The following NSMCE2 variants were observed in gnomAD, a reference collection of about 807,000 sequenced individuals.
The protein encoded by NSMCE2 is NSE2 SUMO ligase component of SMC5/6 complex.
In NSMCE2, 24 loss-of-function variants were observed where a neutral mutation model predicts 23.8. The observed-to-expected ratio is 1.01, with a 90% confidence interval of 0.73 to 1.42. NSMCE2 has a LOEUF of 1.42. Among genes scored for constraint, NSMCE2 ranks in the 40% most tolerant of loss-of-function variants. The pLI is 0.00. For missense variants in NSMCE2, 284 were observed against 296.5 expected, an observed-to-expected ratio of 0.96 and a Z score of 0.31; for synonymous variants, 92 against 94.1, an observed-to-expected ratio of 0.98 and a Z score of 0.13.
Position 125,129,665 on chromosome 8 carries a change from A to G in NSMCE2, c.158-21506A>G, listed in dbSNP as rs540141908. On this transcript the variant is annotated intron_variant, in intron 3 of 7. Transcript: ENST00000287437. ...GTGCCTTATTTACATGCAAGTTAAA[A>G]ATTGTTTATACTAAATAATAGAATT... Among the ~76,000 whole-genome samples, 4 of 152,172 alleles carry G rather than the reference A, an allele frequency of 2.6e-5. No individual in the cohort carries two copies. The East Asian group carries it at 7.7e-4, about 29-fold the overall frequency.
At chr8:125,214,019 A>C (rs187726147) in intron 5 of NSMCE2, among the ~76,000 whole-genome samples, 274 of 152,362 alleles carry the variant, frequency 1.8e-3, no homozygotes, top group African/African-American at 5.9e-3. Flanking sequence ...GGTAGAATAA[A>C]ATCTGCTTTT....
chr8:125,100,828 T>C (rs938149260), intron 1 of NSMCE2, among the ~76,000 whole-genome samples: 2 of 152,210 alleles, frequency 1.3e-5, no homozygotes, highest in African/African-American at 4.8e-5. Flanking sequence ...CCCAAAGTGC[T>C]GGGATTACAG....
intron 5 of NSMCE2, among the ~76,000 whole-genome samples, chr8:125,289,512 G>A (rs779601425): frequency 6.6e-6 from 1 of 152,152 alleles, no homozygotes; most frequent in Non-Finnish European, 1.5e-5. Flanking sequence ...TTATCAGAGG[G>A]CATTCTTGTT....
rs574605092 is a variant in NSMCE2, at chr8:125,157,347, C to T, written c.264+6070C>T. Among the ~76,000 whole-genome samples, 6 of 152,284 alleles carry T rather than the reference C, an allele frequency of 3.9e-5. No individual in the cohort carries two copies. In the South Asian group the frequency reaches 1.2e-3, roughly 32 times the overall value. ...TTCTACAGTGATAGACAACTCTTAA[C>T]ATGTTTCTTATCAAAAGTTTTCAAA... is the stretch of plus-strand genomic sequence containing the variant. On this transcript the variant is annotated intron_variant, in intron 4 of 7. Transcript: ENST00000287437.
At chr8:125,345,029 T>TA (rs564327400) in intron 5 of NSMCE2, among the ~76,000 whole-genome samples, 2,343 of 133,080 alleles carry the variant, frequency 0.018, 16 homozygotes, top group Non-Finnish European at 0.024. Context: ...TCAACAAACT[T>TA]AAAAAAAAAA....
chr8:125,241,498 T>C (rs531667784), intron 5 of NSMCE2, among the ~76,000 whole-genome samples: 9 of 152,274 alleles, frequency 5.9e-5, no homozygotes, highest in Non-Finnish European at 1.2e-4. Context: ...GTCGTTTGTT[T>C]TCTGAAGAAG....
chr8:125,288,516 G>T (rs541165124), intron 5 of NSMCE2, among the ~76,000 whole-genome samples: 5 of 151,950 alleles, frequency 3.3e-5, no homozygotes, highest in Admixed American at 3.3e-4. Flanking sequence ...CTTTTACCAG[G>T]GATATTTCTC....
intron 3 of NSMCE2, among the ~76,000 whole-genome samples, chr8:125,128,378 G>A (rs1819607226): frequency 6.6e-6 from 1 of 152,066 alleles, no homozygotes; most frequent in African/African-American, 2.4e-5. Flanking sequence ...ATGAGAAGTA[G>A]ATCAATTTAT....
At chr8:125,364,804 G>A (rs538460768) in intron 7 of NSMCE2, among the ~76,000 whole-genome samples, 4 of 152,252 alleles carry the variant, frequency 2.6e-5, no homozygotes, top group African/African-American at 9.6e-5. Flanking sequence ...GGGAAATAAG[G>A]GTTCTCTCCC....
chr8:125,338,009 A>C (rs1830119536), intron 5 of NSMCE2, among the ~76,000 whole-genome samples: 1 of 152,130 alleles, frequency 6.6e-6, no homozygotes, highest in African/African-American at 2.4e-5. Flanking sequence ...AAATGTTGAT[A>C]ATGATTGAAA....
chr8:125,149,880 C>G (rs1820901258), intron 3 of NSMCE2, among the ~76,000 whole-genome samples: 1 of 151,894 alleles, frequency 6.6e-6, no homozygotes, highest in Non-Finnish European at 1.5e-5. Context: ...TTGTTTCAGC[C>G]TTTTCTCCTG....
chr8:125,269,999 G>A (rs1458221867), intron 5 of NSMCE2, among the ~76,000 whole-genome samples: 1 of 152,174 alleles, frequency 6.6e-6, no homozygotes, highest in Admixed American at 6.5e-5. Flanking sequence ...TTTAGGACTA[G>A]TCTCTTTACA....
chr8:125,139,813 T>G, intron 3 of NSMCE2, among the ~76,000 whole-genome samples: 1 of 152,220 alleles, frequency 6.6e-6, no homozygotes, highest in Non-Finnish European at 1.5e-5. Context: ...CATTTTATAG[T>G]GGAAATTTTG....
chr8:125,114,611 G>T (rs1355711455), intron 3 of NSMCE2, among the ~76,000 whole-genome samples: 1 of 152,198 alleles, frequency 6.6e-6, no homozygotes, highest in Non-Finnish European at 1.5e-5. Context: ...ACAACTCGGG[G>T]ATGCGGGGAG....
intron 5 of NSMCE2, among the ~76,000 whole-genome samples, chr8:125,195,739 A>T (rs1823581836): frequency 6.6e-6 from 1 of 152,140 alleles, no homozygotes; most frequent in Non-Finnish European, 1.5e-5. Flanking sequence ...ATATTTCTTT[A>T]TAACTCTAAA....
At chr8:125,134,532 C>T (rs1378435238) in intron 3 of NSMCE2, among the ~76,000 whole-genome samples, 3 of 151,986 alleles carry the variant, frequency 2.0e-5, no homozygotes, top group Non-Finnish European at 4.4e-5. Context: ...AATTGAGTAC[C>T]TTTTAATGTG....
In NSMCE2 at chr8:125,357,199, A is replaced by C; in HGVS notation, c.419-20A>C. On this transcript the variant is annotated intron_variant, in intron 5 of 7. Transcript: ENST00000287437. ...TGACGTTAGACCAGAGAGGCTTATC[A>C]ACTCTCCATTTTCCTCTAGGTGGTC... 1 of 1,481,328 alleles carries C rather than the reference A, an allele frequency of 6.8e-7. No individual in the cohort carries two copies. 91.8% of individuals were successfully genotyped at this position (1,481,328 alleles called of 1,614,324 possible).
At chr8:125,108,412 T>C (rs1360166083) in intron 3 of NSMCE2, among the ~76,000 whole-genome samples, 1 of 152,240 alleles carries the variant, frequency 6.6e-6, no homozygotes, top group African/African-American at 2.4e-5. Context: ...TGTAGAAGGC[T>C]GATACTAAGG....
chr8:125,295,658 T>C (rs943626571), intron 5 of NSMCE2, among the ~76,000 whole-genome samples: 4 of 152,212 alleles, frequency 2.6e-5, no homozygotes, highest in Non-Finnish European at 5.9e-5. Flanking sequence ...CATCCCATGT[T>C]CTGCCTCATT....
Sources: gnomAD v4.1 joint callset for allele counts (sites outside exome capture counted in the v4.1 genomes callset) on GRCh38, gnomAD v4.1.1 for gene constraint, MANE v1.5 for transcripts, NCBI Gene and HGNC (gene_info 2026-07-23, HGNC 2026-07-21) for gene names.